Variants in TIAM1 observed in about 807,000 individuals in gnomAD.
TIAM1 encodes rho guanine nucleotide exchange factor TIAM1.
Under a neutral mutation model 163.5 loss-of-function variants are expected in TIAM1, and 65 were observed. The observed-to-expected ratio is 0.40, with a 90% confidence interval of 0.33 to 0.49. The LOEUF (loss-of-function observed/expected upper bound fraction) is 0.49. Among genes scored for constraint, TIAM1 ranks in the 20% least tolerant of loss-of-function variants. The pLI, the probability that TIAM1 is intolerant of heterozygous loss-of-function variation, is 0.77. For synonymous variants in TIAM1, 833 were observed against 810.1 expected (o/e 1.03, Z -0.48); for missense variants, 1,789 against 2,044.7 (o/e 0.87, Z 2.41).
At chr21:31,513,779 G>A (rs1488526029) in intron 1 of TIAM1, among the ~76,000 whole-genome samples, 3 of 152,120 alleles carry the variant, frequency 2.0e-5, no homozygotes, top group Non-Finnish European at 2.9e-5. Flanking sequence ...AAGCCGAGGC[G>A]GGTGGATCAC....
At chr21:31,272,050 T>C (rs2073078805) in intron 3 of TIAM1, among the ~76,000 whole-genome samples, 1 of 152,160 alleles carries the variant, frequency 6.6e-6, no homozygotes, top group South Asian at 2.1e-4. Flanking sequence ...AAGTCAAAAA[T>C]TCATTTAATA....
intron 2 of TIAM1, among the ~76,000 whole-genome samples, chr21:31,416,794 GA>G (rs1475087498): frequency 3.3e-5 from 5 of 152,180 alleles, no homozygotes; most frequent in Non-Finnish European, 7.3e-5. Context: ...TTGCTTACAT[GA>G]CACATATTAA....
At chr21:31,329,611 C>G (rs904499996) in intron 2 of TIAM1, among the ~76,000 whole-genome samples, 2 of 152,318 alleles carry the variant, frequency 1.3e-5, no homozygotes, top group Non-Finnish European at 2.9e-5. Flanking sequence ...CACAGCGCAG[C>G]ACATGGCCAG....
intron 1 of TIAM1, among the ~76,000 whole-genome samples, chr21:31,506,055 G>A (rs1017066418): frequency 6.9e-6 from 1 of 144,682 alleles, no homozygotes; most frequent in Non-Finnish European, 1.5e-5. Context: ...AACAGGAAAC[G>A]ACCAACTTGC....
intron 1 of TIAM1, among the ~76,000 whole-genome samples, chr21:31,515,837 A>G (rs7280500): frequency 0.019 from 2,919 of 152,184 alleles, 91 homozygotes; most frequent in African/African-American, 0.067. Flanking sequence ...GACTGGACAC[A>G]TGGCTCACAC....
At chr21:31,401,544 C>T (rs778802125) in intron 2 of TIAM1, among the ~76,000 whole-genome samples, 1 of 152,190 alleles carries the variant, frequency 6.6e-6, no homozygotes, top group Non-Finnish European at 1.5e-5. Flanking sequence ...CTGGGCAAGT[C>T]TGAGACCACC....
intron 1 of TIAM1, among the ~76,000 whole-genome samples, chr21:31,528,624 G>A (rs1442392649): frequency 6.6e-6 from 1 of 151,640 alleles, no homozygotes; most frequent in Admixed American, 6.6e-5. Flanking sequence ...GCAACATGGT[G>A]AAACCCTGTC....
chr21:31,336,346 G>C (rs891987521), intron 2 of TIAM1, among the ~76,000 whole-genome samples: 3 of 152,094 alleles, frequency 2.0e-5, no homozygotes, highest in African/African-American at 4.8e-5. Context: ...AACTCCCTCC[G>C]GGGGGAAGAT....
chr21:31,480,443 G>T (rs892359133), intron 1 of TIAM1, among the ~76,000 whole-genome samples: 2 of 152,144 alleles, frequency 1.3e-5, no homozygotes, highest in Non-Finnish European at 2.9e-5. Context: ...GGGCTCTATT[G>T]CCTAATACAC....
chr21:31,159,619 G>A (rs1002223786), intron 16 of TIAM1, among the ~76,000 whole-genome samples: 3 of 152,074 alleles, frequency 2.0e-5, no homozygotes, highest in Admixed American at 6.6e-5. Flanking sequence ...TACAGTTCTC[G>A]ATCACCTTTT....
intron 1 of TIAM1, among the ~76,000 whole-genome samples, chr21:31,523,929 A>G: frequency 6.6e-6 from 1 of 151,918 alleles, no homozygotes; most frequent in Admixed American, 6.6e-5. Flanking sequence ...AAAAAAAAAA[A>G]AAAAATAGTA....
intron 1 of TIAM1, among the ~76,000 whole-genome samples, chr21:31,495,446 G>A (rs749969897): frequency 2.6e-5 from 4 of 152,150 alleles, no homozygotes; most frequent in Admixed American, 6.5e-5. Context: ...CAAATGCCGC[G>A]TAAAGTCTCC....
chr21:31,384,952 T>C (rs2076840814), intron 2 of TIAM1, among the ~76,000 whole-genome samples: 1 of 152,210 alleles, frequency 6.6e-6, no homozygotes, highest in South Asian at 2.1e-4. Flanking sequence ...CTGATATGAT[T>C]TGAATGCTGT....
intron 2 of TIAM1, among the ~76,000 whole-genome samples, chr21:31,296,812 T>C (rs765192056): frequency 3.3e-5 from 5 of 152,166 alleles, no homozygotes; most frequent in Non-Finnish European, 5.9e-5. Context: ...TACAGGCATG[T>C]GCCACCACGC....
At chr21:31,152,540 C>T (rs1353391999) in intron 19 of TIAM1, 96 bp downstream of exon 19, 30 of 1,530,876 alleles carry the variant, frequency 2.0e-5, no homozygotes, top group Admixed American at 5.6e-5. Context: ...GAACAGACCC[C>T]ACTGTGGCCC....
At chr21:31,342,455 T>C (rs1028758507) in intron 1 of TIAM1, among the ~76,000 whole-genome samples, 4 of 152,224 alleles carry the variant, frequency 2.6e-5, no homozygotes, top group Non-Finnish European at 5.9e-5. Flanking sequence ...AATGTCCTCA[T>C]GATGGTATCT....
intron 2 of TIAM1, among the ~76,000 whole-genome samples, chr21:31,292,851 T>G (rs181433181): frequency 8.3e-4 from 126 of 152,060 alleles, no homozygotes; most frequent in African/African-American, 3.0e-3. Flanking sequence ...GTATTTTTAG[T>G]AGAGACATGG....
chr21:31,519,840 A>G (rs2047518563), intron 1 of TIAM1, among the ~76,000 whole-genome samples: 1 of 152,204 alleles, frequency 6.6e-6, no homozygotes, highest in African/African-American at 2.4e-5. Context: ...AGGTCCCTAG[A>G]GCAGTCGAAT....
At chr21:31,495,197 T>G (rs148506929) in intron 1 of TIAM1, among the ~76,000 whole-genome samples, 1 of 152,244 alleles carries the variant, frequency 6.6e-6, no homozygotes. Flanking sequence ...GTAACGTGTA[T>G]GTCTTAATCA....
Sources: gnomAD v4.1 joint callset for allele counts (sites outside exome capture counted in the v4.1 genomes callset) on GRCh38, gnomAD v4.1.1 for gene constraint, MANE v1.5 for transcripts, NCBI Gene and HGNC (gene_info 2026-07-23, HGNC 2026-07-21) for gene names.